Variants in SFI1 observed in about 807,000 individuals in gnomAD.
The protein encoded by SFI1 is SFI1 centrin binding protein, also known as protein SFI1 homolog.
Under a neutral mutation model 207.5 loss-of-function variants are expected in SFI1, and 195 were observed. The ratio of observed to expected loss-of-function variants is 0.94; its 90% CI spans 0.84 to 1.06. The LOEUF (loss-of-function observed/expected upper bound fraction) is 1.06, where lower values mean the gene tolerates loss of function less well. Ranked by LOEUF, SFI1 falls within the 50% of genes least tolerant of loss-of-function variation. The pLI is 0.00. For synonymous variants in SFI1, 630 were observed against 598.9 expected (o/e 1.05, Z -0.76); for missense variants, 1,634 against 1,588.0 (o/e 1.03, Z -0.49).
At chr22:31,499,041 G>C (rs2053259823) in intron 1 of SFI1, among the ~76,000 whole-genome samples, 3 of 151,774 alleles carry the variant, frequency 2.0e-5, no homozygotes, top group Admixed American at 2.0e-4. Context: ...ACAGGGTCTT[G>C]TTCTGTTGTC....
chr22:31,584,003 A>G, intron 13 of SFI1, 31 bp downstream of exon 13: 3 of 1,574,152 alleles, frequency 1.9e-6, no homozygotes, highest in Non-Finnish European at 2.6e-6. Flanking sequence ...CCTGGCTCTC[A>G]GGGACTTTGT....
chr22:31,578,433 A>G lies in SFI1; in HGVS notation c.1136A>G (p.His379Arg). 6.2e-7 allele frequency: 1 copy of G among 1,613,690 alleles called. No homozygotes were observed. Among genetic ancestry groups the G allele is most frequent in the South Asian group, 1.1e-5 (1 of 91,032 alleles). ...EAAQFEMAEEHHRHSQLYFCF... is the reference protein window; with the variant it reads ...EAAQFEMAEERHRHSQLYFCF... ...GCCCAGTTTGAGATGGCAGAAGAGC[A>G]CCACAGGCACAGCCAGCTGGTAAGA... is the stretch of plus-strand genomic sequence containing the variant. The change falls in exon 11 of 33, where the codon CAC (histidine) becomes CGC (arginine). Residue 379 changes from histidine to arginine, a missense_variant. Physicochemically the swap from His to Arg is conservative, Grantham distance 29. Coordinates refer to ENST00000400288, the MANE Select transcript of SFI1 (RefSeq NM_001007467.3).
chr22:31,496,905 G>A (rs2052753285), intron 1 of SFI1, among the ~76,000 whole-genome samples: 1 of 152,226 alleles, frequency 6.6e-6, no homozygotes, highest in South Asian at 2.1e-4. Context: ...TCCGCCCTGG[G>A]GGCACCGCAT....
intron 1 of SFI1, among the ~76,000 whole-genome samples, chr22:31,499,141 A>C (rs982008352): frequency 1.3e-5 from 2 of 151,670 alleles, no homozygotes; most frequent in African/African-American, 2.4e-5. Flanking sequence ...CTGCCTCCTC[A>C]GTACCTGGGT....
chr22:31,549,899 G>A (rs12158780), intron 5 of SFI1, among the ~76,000 whole-genome samples: 1 of 151,400 alleles, frequency 6.6e-6, no homozygotes, highest in African/African-American at 2.4e-5. Context: ...TTGGTGTGTT[G>A]GGTTAGGAGT....
chr22:31,604,626 G>A (rs2068662753), intron 19 of SFI1: 1 of 588,262 alleles, frequency 1.7e-6, no homozygotes, highest in African/African-American at 1.9e-5. Flanking sequence ...TAGCCTTGTA[G>A]CGAAAGCAGC....
In SFI1 at chr22:31,613,518, G is replaced by C; in HGVS notation, c.2730G>C (p.Gln910His). ...MKASRQQLQA[Q>H]QQVQAAHSLH... is the part of the protein sequence containing the mutation. ...CCTCCCGGCAGCAGCTGCAGGCCCA[G>C]CAGCAGGTCCAGGTAGGCCCAGGGC... is the stretch of plus-strand genomic sequence containing the variant. Residue 910 changes from glutamine (Q) to histidine (H), a missense_variant, in exon 26 of 33, where the codon CAG becomes CAC. By Grantham distance (24) the Gln-to-His change is conservative. Coordinates refer to ENST00000400288, the MANE Select transcript of SFI1 (RefSeq NM_001007467.3). 6.3e-7 allele frequency: 1 copy of C among 1,591,782 alleles called. No homozygotes were observed. The highest frequency in any genetic ancestry group is 8.5e-7 in the Non-Finnish European group (1 of 1,173,176).
At chr22:31,585,235 CGTT>C (rs1228093552) in intron 14 of SFI1, 101 bp downstream of exon 14, 1 of 1,005,894 alleles carries the variant, frequency 9.9e-7, no homozygotes, top group Non-Finnish European at 1.5e-6. Flanking sequence ...GAAGTCTTAT[CGTT>C]CTGCTTTGGA....
chr22:31,604,358 T>C lies in SFI1; in HGVS notation c.1931T>C (p.Leu644Pro). The C allele has an allele frequency of 6.3e-7, 1 of 1,578,726 alleles. No homozygotes were observed. The highest frequency in any genetic ancestry group is 8.6e-7 in the Non-Finnish European group (1 of 1,164,570). Residue 644 changes from leucine (L) to proline (P), a missense_variant, in exon 19 of 33, where the codon CTG becomes CCG. Coordinates refer to ENST00000400288, the MANE Select transcript of SFI1 (RefSeq NM_001007467.3). ...CGGCAGAAGCTGATGCGAGCAGACC[T>C]GCACCACCAGCACAGCGTGCTGCAC... ...AERQKLMRAD[L>P]HHQHSVLHRA...
chr22:31,530,916 A>C, intron 3 of SFI1, 142 bp from the exon 4 acceptor site: 1 of 642,934 alleles, frequency 1.6e-6, no homozygotes, highest in Non-Finnish European at 2.7e-6. Context: ...GTATGATGCA[A>C]AATTAGCTAT....
intron 1 of SFI1, among the ~76,000 whole-genome samples, chr22:31,503,841 G>A (rs1222912165): frequency 4.0e-5 from 6 of 151,072 alleles, no homozygotes; most frequent in Non-Finnish European, 8.8e-5. Context: ...CACCTGCTTC[G>A]GCCTCCCAAA....
intron 9 of SFI1, 92 bp downstream of exon 9, chr22:31,573,306 A>C: frequency 7.4e-7 from 1 of 1,351,042 alleles, no homozygotes; most frequent in Non-Finnish European, 1.0e-6. Context: ...AAGTAATATA[A>C]TGGTGCTACT....
At position 31,607,997 on chromosome 22, in the gene SFI1, T is replaced by A. The variant is rs1569455268; in HGVS notation, c.2218T>A (p.Cys740Ser). The part of the protein sequence containing the change: ...VQMYYRQQED[C>S]AIWEAQKVLD... ...GATGTATTACCGACAGCAGGAGGAC[T>A]GTGCCATCTGGGAGGCCCAGAAGGT... Residue 740 changes from cysteine to serine, a missense_variant, in exon 22 of 33, where the codon TGT becomes AGT. Transcript: ENST00000400288. 2 of 1,613,992 alleles carry A rather than the reference T, an allele frequency of 1.2e-6. No homozygotes were observed. The highest frequency in any genetic ancestry group is 1.7e-6 in the Non-Finnish European group (2 of 1,179,920).
At chr22:31,568,532 A>G (rs2062627461) in intron 8 of SFI1, among the ~76,000 whole-genome samples, 2 of 76,150 alleles carry the variant, frequency 2.6e-5, no homozygotes, top group South Asian at 8.9e-4. Flanking sequence ...ACCCTGTCTC[A>G]AAAAAAAAAA....
At chr22:31,515,910 G>A (rs1231433807) in intron 2 of SFI1, among the ~76,000 whole-genome samples, 1 of 151,532 alleles carries the variant, frequency 6.6e-6, no homozygotes, top group African/African-American at 2.4e-5. Flanking sequence ...GCTAATTTTT[G>A]TATTATTAGT....
chr22:31,570,420 A>G (rs2062832358), intron 8 of SFI1, among the ~76,000 whole-genome samples: 1 of 152,104 alleles, frequency 6.6e-6, no homozygotes, highest in African/African-American at 2.4e-5. Flanking sequence ...GTTTGTGGGA[A>G]GAGATTAGGA....
At chr22:31,599,330 C>CT (rs59500633) in intron 15 of SFI1, among the ~76,000 whole-genome samples, 106,445 of 150,238 alleles carry the variant, frequency 0.71, 38,130 homozygotes, top group Non-Finnish European at 0.76. Flanking sequence ...GTTGAAAAGC[C>CT]TTTTTTTTTG....
intron 4 of SFI1, among the ~76,000 whole-genome samples, chr22:31,534,235 T>C (rs559439067): frequency 6.6e-6 from 1 of 152,194 alleles, no homozygotes; most frequent in East Asian, 1.9e-4. Context: ...TCAGGTGATC[T>C]ACCCACCTCG....
At chr22:31,570,244 G>A (rs1345631096) in intron 8 of SFI1, among the ~76,000 whole-genome samples, 1 of 152,188 alleles carries the variant, frequency 6.6e-6, no homozygotes, top group South Asian at 2.1e-4. Context: ...ATAAGAAGAC[G>A]GTGGTTGGAT....
Sources: allele counts gnomAD v4.1 joint callset (sites outside exome capture counted in the v4.1 genomes callset), GRCh38; gene constraint gnomAD v4.1.1; transcripts MANE v1.5; gene names NCBI Gene and HGNC (gene_info 2026-07-23, HGNC 2026-07-21).